The following OTOF variants were observed in gnomAD, a reference collection of about 807,000 sequenced individuals.
OTOF encodes the protein otoferlin.
Under a neutral mutation model 236.8 loss-of-function variants are expected in OTOF, and 218 were observed. The ratio of observed to expected loss-of-function variants is 0.92; its 90% CI spans 0.82 to 1.03. The LOEUF is 1.03. Among genes scored for constraint, OTOF ranks in the 50% least tolerant of loss-of-function variants. The pLI is 0.00. For synonymous variants in OTOF, 1,041 were observed against 1,072.5 expected (o/e 0.97, Z 0.57); for missense variants, 2,590 against 2,694.4 (o/e 0.96, Z 0.86).
Position 26,473,233 on chromosome 2 carries a change from G to C in OTOF, c.3632C>G (p.Ala1211Gly), listed in dbSNP as rs1341969080. 6.2e-7 allele frequency: 1 copy of C among 1,613,386 alleles called. No individual in the cohort carries two copies. Reference protein sequence around the residue: ...PLNIRVVDCRAFGRYTLVGSH... With the variant: ...PLNIRVVDCRGFGRYTLVGSH... Reference sequence around the variant, plus strand: ...GCCCACCAGTGTGTAGCGACCGAAGGCCCGGCAGTCCACCACACGGATGTT... The same window carrying C: ...GCCCACCAGTGTGTAGCGACCGAAGCCCCGGCAGTCCACCACACGGATGTT... The change falls in exon 29 of 47, where the codon GCC (alanine) becomes GGC (glycine). Residue 1211 changes from alanine to glycine, a missense_variant. Ala to Gly is a moderately conservative substitution (Grantham distance 60). Coordinates refer to ENST00000272371, the MANE Select transcript of OTOF (RefSeq NM_194248.3). This position sits in a 1 kb window ranked among gnomAD's most constrained non-coding sequence, Gnocchi z 7.2.
intron 1 of OTOF, among the ~76,000 whole-genome samples, chr2:26,539,696 T>C (rs1381913111): frequency 1.3e-5 from 2 of 152,016 alleles, no homozygotes; most frequent in Non-Finnish European, 2.9e-5. Flanking sequence ...GATTGCGCCA[T>C]TGCACTCCAG....
At chr2:26,463,434 T>C (rs1380911844) in intron 41 of OTOF, 49 bp downstream of exon 41, 5 of 1,442,618 alleles carry the variant, frequency 3.5e-6, no homozygotes, top group Non-Finnish European at 4.8e-6. Flanking sequence ...TGGTGGGAAG[T>C]GGGTGGGGTG....
chr2:26,551,093 G>A (rs540186949), intron 1 of OTOF, among the ~76,000 whole-genome samples: 48 of 152,258 alleles, frequency 3.2e-4, no homozygotes, highest in South Asian at 6.2e-4. Context: ...GGGTTCAAGC[G>A]ATTCTCCTGC....
At chr2:26,491,549 G>T (rs1665840878) in intron 9 of OTOF, among the ~76,000 whole-genome samples, 1 of 152,188 alleles carries the variant, frequency 6.6e-6, no homozygotes, top group South Asian at 2.1e-4. Flanking sequence ...AACAAAGACA[G>T]AGTTGGGCTG....
At position 26,480,808 on chromosome 2, in the gene OTOF, T is replaced by C; in HGVS notation, c.1781A>G (p.Glu594Gly). 6.2e-7 allele frequency: 1 copy of C among 1,612,208 alleles called. No homozygotes were observed. The highest frequency in any genetic ancestry group is 1.1e-5 in the South Asian group (1 of 91,032). The change falls in exon 15 of 47, where the codon GAG (glutamate) becomes GGG (glycine). Residue 594 changes from glutamate to glycine, a missense_variant. Around this residue, in one of 2 missense-constraint regions of OTOF, gnomAD observed 1,379 missense variants for 1,341.6 expected, o/e 1.03. Coordinates refer to ENST00000272371, the MANE Select transcript of OTOF (RefSeq NM_194248.3). ...CACCTCCGAGATGGGCGTGGCCTGC[T>C]CCACCTGCACCTCTGTGGAGCTGGT... ...ELTSSTEVQV[E>G]QATPISESCA... is the part of the protein sequence containing the mutation.
intron 1 of OTOF, among the ~76,000 whole-genome samples, chr2:26,540,025 C>T (rs1043301909): frequency 2.6e-5 from 4 of 152,140 alleles, no homozygotes; most frequent in Admixed American, 6.5e-5. Context: ...ACTCTGCCTC[C>T]GGGGTTCAAA....
At chr2:26,543,265 C>T (rs1667250054) in intron 1 of OTOF, among the ~76,000 whole-genome samples, 1 of 152,220 alleles carries the variant, frequency 6.6e-6, no homozygotes, top group African/African-American at 2.4e-5. Context: ...CAGGAAAAAG[C>T]CAGGCCCACT....
chr2:26,476,183 C>A lies in OTOF; in HGVS notation c.2811G>T (p.Lys937Asn), dbSNP rs1665254882. The change falls in exon 23 of 47, where the codon AAG becomes AAT. Residue 937 changes from lysine (K) to asparagine (N), a missense_variant. By Grantham distance (94) the Lys-to-Asn change is moderately conservative (BLOSUM62 0). Around this residue, in one of 2 missense-constraint regions of OTOF, gnomAD observed 1,379 missense variants for 1,341.6 expected, o/e 1.03. Transcript: ENST00000272371. ...CATGCAGGCCCAGGCCCTGGGCTGC[C>A]TTGACCTCCTGGAAGCCACAGGGCA... ...CGLPCGFQEV[K>N]AAQGLGLHAF... 6.2e-7 allele frequency: 1 copy of A among 1,610,962 alleles called. No homozygotes were observed. Among genetic ancestry groups the A allele is most frequent in the East Asian group, 2.2e-5 (1 of 44,874 alleles).
intron 2 of OTOF, among the ~76,000 whole-genome samples, chr2:26,534,833 T>C (rs962358263): frequency 6.6e-6 from 1 of 151,868 alleles, no homozygotes; most frequent in Non-Finnish European, 1.5e-5. Context: ...CTGGGCAGAG[T>C]AAGACGGAGA....
rs775320200 is a variant in OTOF at position 26,458,034 on chromosome 2, C to A, written c.*204G>T. The A allele has an allele frequency of 6.2e-7, 1 of 1,609,366 alleles. No homozygotes were observed. The highest frequency in any genetic ancestry group is 8.5e-7 in the Non-Finnish European group (1 of 1,176,834). On this transcript the variant is annotated 3_prime_UTR_variant, in exon 47 of 47. Transcript: ENST00000272371. ...CTGGGGAGCGGCTGGCGGGAGCTGGCGGCCTTCATGCCCCAAGGAGCTTTT... is the reference window on the plus strand; with the variant it reads ...CTGGGGAGCGGCTGGCGGGAGCTGGAGGCCTTCATGCCCCAAGGAGCTTTT...
At chr2:26,551,963 T>C (rs185850906) in intron 1 of OTOF, among the ~76,000 whole-genome samples, 11 of 151,918 alleles carry the variant, frequency 7.2e-5, no homozygotes, top group Non-Finnish European at 1.3e-4. Context: ...GGAAGTAGGA[T>C]GGGATGCAAA....
In OTOF at chr2:26,473,955, C is replaced by T. The variant is rs778396097; in HGVS notation, c.3408+36G>A. 4 of 1,612,492 alleles carry T rather than the reference C, an allele frequency of 2.5e-6. No homozygotes were observed. Among genetic ancestry groups the T allele is most frequent in the South Asian group, 2.2e-5 (2 of 91,064 alleles). ...TCCCCTCCTGGGTCCTCAGACTCCTCATCCAAAAGGGAAGGGCCACACAGA... is the reference window on the plus strand; with the variant it reads ...TCCCCTCCTGGGTCCTCAGACTCCTTATCCAAAAGGGAAGGGCCACACAGA... On this transcript the variant is annotated intron_variant, in intron 27 of 46. Transcript: ENST00000272371. The surrounding 1 kb of genome is among the most constrained non-coding windows in gnomAD (Gnocchi z 7.2).
chr2:26,519,241 G>T (rs1666615074), intron 3 of OTOF, 132 bp from the exon 4 acceptor site: 2 of 688,710 alleles, frequency 2.9e-6, no homozygotes, highest in Non-Finnish European at 5.2e-6. Context: ...CTGGGCTGGA[G>T]AAGGTGGCCC....
chr2:26,497,741 C>T (rs190282169), intron 8 of OTOF, among the ~76,000 whole-genome samples: 116 of 152,270 alleles, frequency 7.6e-4, no homozygotes, highest in African/African-American at 2.0e-3. Context: ...GACAAAGGGA[C>T]GGAAGTAAAA....
At chr2:26,540,281 G>A (rs1303105681) in intron 1 of OTOF, among the ~76,000 whole-genome samples, 2 of 152,210 alleles carry the variant, frequency 1.3e-5, no homozygotes, top group Non-Finnish European at 2.9e-5. Context: ...TTTCATTGAA[G>A]GGCTGTCTCC....
chr2:26,488,805 G>C (rs913938127), intron 11 of OTOF, among the ~76,000 whole-genome samples: 1 of 152,226 alleles, frequency 6.6e-6, no homozygotes, highest in African/African-American at 2.4e-5. Flanking sequence ...CTCAGCAGGT[G>C]CCAGCCCAGG....
chr2:26,548,932 TG>T (rs1667398110), intron 1 of OTOF, among the ~76,000 whole-genome samples: 1 of 152,214 alleles, frequency 6.6e-6, no homozygotes, highest in South Asian at 2.1e-4. Context: ...CTTTTGTGTC[TG>T]GCTTCTTTTA....
At position 26,502,356 on chromosome 2, in the gene OTOF, G is replaced by A. The variant is rs761399081; in HGVS notation, c.654C>T (p.Pro218=). The A allele has an allele frequency of 3.5e-5, 56 of 1,613,810 alleles. No homozygotes were observed. The highest frequency in any genetic ancestry group is 1.6e-4 in the Middle Eastern group (1 of 6,084). ...LAIRLGDGLD[P]DSVSLASVTA... ...TGACTGAGGCTAGAGACACCGAGTC[G>A]GGATCCAGTCCATCTCCTAGCCGAA... is the stretch of plus-strand genomic sequence containing the variant. Residue 218 remains proline, a synonymous_variant, in exon 7 of 47, where the codon CCC becomes CCT. Coordinates refer to ENST00000272371, the MANE Select transcript of OTOF (RefSeq NM_194248.3).
Position 26,464,875 on chromosome 2 carries a change from C to T in OTOF, c.4954G>A (p.Glu1652Lys), listed in dbSNP as rs143184716. ...VFTGPSEIEDENGQRKPTDEH... is the reference protein window; with the variant it reads ...VFTGPSEIEDKNGQRKPTDEH... The stretch of plus-strand genomic sequence containing the variant: ...GCATCCAGTGCCCCATTACCGTTCT[C>T]GTCCTCAATCTCAGAGGGCCCAGTG... The change falls in exon 39 of 47, where the codon GAG becomes AAG. Residue 1652 changes from glutamate to lysine, a missense_variant. Around this residue, in one of 2 missense-constraint regions of OTOF, gnomAD observed 1,211 missense variants for 1,352.8 expected, o/e 0.90. Coordinates refer to ENST00000272371, the MANE Select transcript of OTOF (RefSeq NM_194248.3). The T allele has an allele frequency of 2.1e-5, 34 of 1,602,936 alleles. No individual in the cohort carries two copies. The highest frequency in any genetic ancestry group is 1.5e-4 in the Admixed American group (9 of 59,222).
Sources: gnomAD v4.1 joint callset for allele counts (sites outside exome capture counted in the v4.1 genomes callset) on GRCh38, gnomAD v4.1.1 for gene constraint, gnomAD v4.1.1 regional missense constraint, Gnocchi (gnomAD v3.1) non-coding constraint, MANE v1.5 for transcripts, NCBI Gene and HGNC (gene_info 2026-07-23, HGNC 2026-07-21) for gene names.